Variants in CNTFR observed in about 807,000 individuals in gnomAD.
CNTFR encodes the protein ciliary neurotrophic factor receptor.
CNTFR carries 12 observed loss-of-function variants against 40.4 expected under a neutral mutation model. The ratio of observed to expected loss-of-function variants is 0.30; its 90% CI spans 0.19 to 0.48. The LOEUF (loss-of-function observed/expected upper bound fraction) is 0.48, where lower values mean the gene tolerates loss of function less well. CNTFR is among the 20% of genes least tolerant of loss of function. CNTFR has a pLI of 0.99. For synonymous variants in CNTFR, 202 were observed against 209.6 expected, an observed-to-expected ratio of 0.96 and a Z score of 0.31; for missense variants, 414 against 506.8, an observed-to-expected ratio of 0.82 and a Z score of 1.76.
At chr9:34,560,386 G>T (rs1826021045) in intron 4 of CNTFR, among the ~76,000 whole-genome samples, 2 of 152,202 alleles carry the variant, frequency 1.3e-5, no homozygotes, top group Admixed American at 1.3e-4. Flanking sequence ...GGATGACTGT[G>T]TTTGCACGTG....
intron 7 of CNTFR, among the ~76,000 whole-genome samples, chr9:34,555,771 C>T (rs1825807319): frequency 1.3e-5 from 2 of 152,090 alleles, no homozygotes; most frequent in Non-Finnish European, 2.9e-5. Context: ...AGGACAGGCA[C>T]GTTCCTGTCC....
intron 2 of CNTFR, among the ~76,000 whole-genome samples, chr9:34,570,381 TA>T (rs1587145538): frequency 2.0e-5 from 3 of 152,224 alleles, no homozygotes; most frequent in East Asian, 3.9e-4. Flanking sequence ...AGGACTCAGC[TA>T]GACCCAGGCA....
At chr9:34,555,957 TCCCTCCCCCG>T (rs1825819178) in intron 7 of CNTFR, among the ~76,000 whole-genome samples, 1 of 79,996 alleles carries the variant, frequency 1.3e-5, no homozygotes, top group African/African-American at 4.9e-5. Context: ...CCCCACCATC[TCCCTCCCCCG>T]CCATCTCCCT....
At chr9:34,577,635 G>A (rs1241788747) in intron 2 of CNTFR, among the ~76,000 whole-genome samples, 1 of 145,388 alleles carries the variant, frequency 6.9e-6, no homozygotes, top group Non-Finnish European at 1.5e-5. Flanking sequence ...CACACGCTGG[G>A]CCTCTCTCTC....
At chr9:34,556,454 C>T (rs772574453) in intron 6 of CNTFR, 36 bp from the exon 7 acceptor site, 1 of 1,548,004 alleles carries the variant, frequency 6.5e-7, no homozygotes, top group Non-Finnish European at 8.7e-7. Context: ...CTACACTAAT[C>T]ACTGGCAACA....
At chr9:34,561,081 A>AC (rs1826055061) in intron 4 of CNTFR, among the ~76,000 whole-genome samples, 1 of 151,364 alleles carries the variant, frequency 6.6e-6, no homozygotes, top group Admixed American at 6.6e-5. Context: ...CCCCACCCAC[A>AC]CGCCGCCTCC....
Position 34,551,752 on chromosome 9 carries a change from G to A in CNTFR, c.*319C>T. On this transcript the variant is annotated 3_prime_UTR_variant, in exon 10 of 10. Coordinates refer to ENST00000378980, the MANE Select transcript of CNTFR (RefSeq NM_147164.3). ...CAGGAGGAGAAATCGGATGTGAGAG[G>A]CTCCCCTCACGTCCCCCAAGGGCTC... 1 of 553,796 alleles carries A rather than the reference G, an allele frequency of 1.8e-6. No homozygotes were observed. The highest frequency in any genetic ancestry group is 3.2e-6 in the Non-Finnish European group (1 of 308,610). 34.3% of individuals were successfully genotyped at this position (553,796 alleles called of 1,614,324 possible).
chr9:34,566,401 G>A (rs962796607), intron 3 of CNTFR, among the ~76,000 whole-genome samples: 3 of 152,180 alleles, frequency 2.0e-5, no homozygotes, highest in Non-Finnish European at 2.9e-5. Context: ...GGGCGGAAGG[G>A]CGGTGGCTGG....
chr9:34,568,255 T>C (rs1191578695), intron 3 of CNTFR: 2 of 152,398 alleles, frequency 1.3e-5, no homozygotes, highest in African/African-American at 4.8e-5. Flanking sequence ...GGGCCTCTGT[T>C]AACACCGCTC....
rs769727858 is a variant in CNTFR, at chr9:34,552,662, G to C, written c.949+12C>G. 1 of 1,611,460 alleles carries C rather than the reference G, an allele frequency of 6.2e-7. No individual in the cohort carries two copies. Among genetic ancestry groups the C allele is most frequent in the Non-Finnish European group, 8.5e-7 (1 of 1,179,610 alleles). ...CAGCAAAGCCAGGAGGTAGGGGCGGGAGCAAGCTCACCCGCAGCCTGGGCC... is the reference window on the plus strand; with the variant it reads ...CAGCAAAGCCAGGAGGTAGGGGCGGCAGCAAGCTCACCCGCAGCCTGGGCC... On this transcript the variant is annotated intron_variant, in intron 8 of 9. Transcript: ENST00000378980. This position sits in a 1 kb window ranked among gnomAD's most constrained non-coding sequence, Gnocchi z 5.1.
chr9:34,558,746 C>T (rs1348730705), intron 4 of CNTFR, among the ~76,000 whole-genome samples: 2 of 152,132 alleles, frequency 1.3e-5, no homozygotes, highest in African/African-American at 4.8e-5. Context: ...CCATCGCAGA[C>T]CCTTTAAGAA....
chr9:34,568,869 T>C lies in CNTFR; in HGVS notation c.85+28A>G, dbSNP rs200141364. On this transcript the variant is annotated intron_variant, in intron 3 of 9. Transcript: ENST00000378980. ...TTCATGCCCAGCTCTGAGAGGGGGG[T>C]CAGCAGGCGGCTCCCGTGAGCACTC... The C allele has an allele frequency of 6.8e-5, 105 of 1,555,032 alleles. No individual in the cohort carries two copies. The African/African-American group carries it at 1.4e-3, about 20-fold the overall frequency.
chr9:34,562,411 G>C (rs541663104), intron 4 of CNTFR, among the ~76,000 whole-genome samples: 2 of 152,198 alleles, frequency 1.3e-5, no homozygotes, highest in East Asian at 3.9e-4. Flanking sequence ...CTTCAGTTTA[G>C]ACACATTAAA....
rs146387952 is a variant in CNTFR, at chr9:34,557,192, TG to T, written c.604+333del. 1.7e-4 allele frequency among the ~76,000 whole-genome samples: 23 copies of T among 134,954 alleles called. No individual in the cohort carries two copies. The highest frequency in any genetic ancestry group is 3.7e-4 in the African/African-American group (13 of 35,284). The allele number at this position is 134,954 out of a possible 152,430, so 88.5% of individuals were successfully genotyped here. The stretch of plus-strand genomic sequence containing the variant: ...CAGTCCGTAAGGAAGCCATTAGAGT[TG>T]GGGGGGGGTGCGGTGGAGGCTGCAG... On this transcript the variant is annotated intron_variant, in intron 6 of 9. Coordinates refer to ENST00000378980, the MANE Select transcript of CNTFR (RefSeq NM_147164.3). The surrounding 1 kb of genome is among the most constrained non-coding windows in gnomAD (Gnocchi z 4.2).
intron 3 of CNTFR, among the ~76,000 whole-genome samples, chr9:34,568,418 C>A (rs541581750): frequency 6.6e-6 from 1 of 152,240 alleles, no homozygotes; most frequent in East Asian, 1.9e-4. Flanking sequence ...TGCACTGGCT[C>A]TCTCCCGCAT....
At chr9:34,559,609 T>C (rs926169553) in intron 4 of CNTFR, among the ~76,000 whole-genome samples, 1 of 152,170 alleles carries the variant, frequency 6.6e-6, no homozygotes, top group Non-Finnish European at 1.5e-5. Context: ...GGTGCAGAAC[T>C]CTGCCTGGGG....
At chr9:34,569,315 A>G (rs1192841642) in intron 2 of CNTFR, among the ~76,000 whole-genome samples, 2 of 152,216 alleles carry the variant, frequency 1.3e-5, no homozygotes, top group East Asian at 1.9e-4. Flanking sequence ...AAGGCAACCT[A>G]TGGTGGTTTG....
In CNTFR at chr9:34,557,502, G is replaced by A. The variant is rs1182017027; in HGVS notation, c.604+24C>T. On this transcript the variant is annotated intron_variant, in intron 6 of 9. Transcript: ENST00000378980. The surrounding 1 kb of genome is among the most constrained non-coding windows in gnomAD (Gnocchi z 4.2). The stretch of plus-strand genomic sequence containing the variant: ...TACATTCCCACTGGAGTAGGCAGCA[G>A]GTCCCCCCAACCGCCACACGTACCA... 1.2e-6 allele frequency: 2 copies of A among 1,607,842 alleles called. No homozygotes were observed. Among genetic ancestry groups the A allele is most frequent in the Non-Finnish European group, 1.7e-6 (2 of 1,174,786 alleles).
At chr9:34,567,940 A>G (rs1356745707) in intron 3 of CNTFR, 1 of 152,202 alleles carries the variant, frequency 6.6e-6, no homozygotes, top group Non-Finnish European at 1.5e-5. Flanking sequence ...GCTGGCCAGG[A>G]TCTCTCCGGG....
Sources: allele counts gnomAD v4.1 joint callset (sites outside exome capture counted in the v4.1 genomes callset), GRCh38; gene constraint gnomAD v4.1.1; non-coding constraint Gnocchi (gnomAD v3.1); transcripts MANE v1.5; gene names NCBI Gene and HGNC (gene_info 2026-07-23, HGNC 2026-07-21).